The following CSRNP3 variants were observed in gnomAD, a reference collection of about 807,000 sequenced individuals.
CSRNP3 encodes the protein cysteine/serine-rich nuclear protein 3.
CSRNP3 carries 12 observed loss-of-function variants against 48.0 expected under a neutral mutation model. That is an observed-to-expected ratio of 0.25 (90% confidence interval 0.16 to 0.41). CSRNP3 has a LOEUF of 0.41. CSRNP3 is among the 10% of genes least tolerant of loss of function. CSRNP3 has a pLI of 1.00. For missense variants in CSRNP3, 580 were observed against 724.4 expected, an observed-to-expected ratio of 0.80 and a Z score of 2.29; for synonymous variants, 263 against 269.7, an observed-to-expected ratio of 0.98 and a Z score of 0.24.
At chr2:165,636,166 C>T (rs1686625096) in intron 4 of CSRNP3, among the ~76,000 whole-genome samples, 1 of 152,098 alleles carries the variant, frequency 6.6e-6, no homozygotes. Flanking sequence ...CTCAAATGAC[C>T]TTTCTTGCTC....
chr2:165,538,020 G>GT (rs1343433038), intron 3 of CSRNP3, among the ~76,000 whole-genome samples: 2 of 151,808 alleles, frequency 1.3e-5, no homozygotes, highest in African/African-American at 2.4e-5. Flanking sequence ...AAACTAGAGT[G>GT]TTTGTGGATA....
chr2:165,510,357 A>G lies in CSRNP3; in HGVS notation c.-112-7516A>G, dbSNP rs191353785. 3.1e-3 allele frequency among the ~76,000 whole-genome samples: 477 copies of G among 152,236 alleles called. 4 individuals carry two copies. Among genetic ancestry groups the G allele is most frequent in the African/African-American group, 0.01 (433 of 41,536 alleles). ...TTTACTCAGTCATTTATTTAGATCCATATAGACTCATATATATTTATTTTT... is the reference window on the plus strand; with the variant it reads ...TTTACTCAGTCATTTATTTAGATCCGTATAGACTCATATATATTTATTTTT... On this transcript the variant is annotated intron_variant, in intron 2 of 6. Coordinates refer to ENST00000651982, the MANE Select transcript of CSRNP3 (RefSeq NM_001172173.2).
intron 2 of CSRNP3, among the ~76,000 whole-genome samples, chr2:165,504,123 G>C (rs1684394378): frequency 6.6e-6 from 1 of 151,930 alleles, no homozygotes; most frequent in African/African-American, 2.4e-5. Flanking sequence ...ATCTGGCAAT[G>C]TATGTGCATT....
At chr2:165,500,400 TATATGTATAC>T in intron 2 of CSRNP3, among the ~76,000 whole-genome samples, 1 of 144,774 alleles carries the variant, frequency 6.9e-6, no homozygotes, top group African/African-American at 2.6e-5. Context: ...TATGTATACA[TATATGTATAC>T]ATATATATAT....
intron 4 of CSRNP3, among the ~76,000 whole-genome samples, chr2:165,601,616 C>A (rs1018450032): frequency 2.0e-5 from 3 of 152,060 alleles, no homozygotes; most frequent in Non-Finnish European, 4.4e-5. Context: ...ATACTTTACC[C>A]AAGAGCTAAG....
chr2:165,679,147 T>G lies in CSRNP3; in HGVS notation c.1152T>G (p.Asp384Glu). The change falls in exon 7 of 7, where the codon GAT (aspartate) becomes GAG (glutamate). Residue 384 changes from aspartate to glutamate, a missense_variant. Physicochemically the swap from Asp to Glu is conservative, Grantham distance 45 (BLOSUM62 2). Coordinates refer to ENST00000651982, the MANE Select transcript of CSRNP3 (RefSeq NM_001172173.2). ...AAGAAGAGGAAGAGGAGGAGGAGGA[T>G]GACGATGATGACAAAGGAGATGGCT... is the stretch of plus-strand genomic sequence containing the variant. ...EEEEEEEEEE[D>E]DDDDKGDGFV... is the part of the protein sequence containing the mutation. 1 of 1,613,552 alleles carries G rather than the reference T, an allele frequency of 6.2e-7. No individual in the cohort carries two copies. Among genetic ancestry groups the G allele is most frequent in the Non-Finnish European group, 8.5e-7 (1 of 1,179,870 alleles).
At chr2:165,528,352 T>C (rs73027998) in intron 3 of CSRNP3, among the ~76,000 whole-genome samples, 3,048 of 152,312 alleles carry the variant, frequency 0.02, 99 homozygotes, top group African/African-American at 0.07. Flanking sequence ...ATTTTTGCTT[T>C]TGTTGCTTGA....
chr2:165,565,241 A>G (rs1475893720), intron 3 of CSRNP3, among the ~76,000 whole-genome samples: 1 of 152,136 alleles, frequency 6.6e-6, no homozygotes, highest in East Asian at 1.9e-4. Flanking sequence ...AATACCACAT[A>G]CTTGGCTATT....
rs561814519 is a variant in CSRNP3 at position 165,592,075 on chromosome 2, G to A, written c.-23-2968G>A. Among the ~76,000 whole-genome samples the A allele has an allele frequency of 2.6e-5, 4 of 152,344 alleles. No homozygotes were observed. In the South Asian group the frequency reaches 6.2e-4, roughly 24 times the overall value. ...GGAGCTGTACCCTGCAAAGCCACAGGGGCAGAGTTGCCCAAGGCTGTGGGA... is the reference window on the plus strand; with the variant it reads ...GGAGCTGTACCCTGCAAAGCCACAGAGGCAGAGTTGCCCAAGGCTGTGGGA... On this transcript the variant is annotated intron_variant, in intron 3 of 6. Coordinates refer to ENST00000651982, the MANE Select transcript of CSRNP3 (RefSeq NM_001172173.2).
chr2:165,677,293 G>C (rs551155956), intron 6 of CSRNP3, among the ~76,000 whole-genome samples: 1 of 152,264 alleles, frequency 6.6e-6, no homozygotes, highest in African/African-American at 2.4e-5. Flanking sequence ...TCCTACAGCA[G>C]AATTGAGTAT....
intron 3 of CSRNP3, among the ~76,000 whole-genome samples, chr2:165,572,000 G>T (rs1051072804): frequency 6.6e-6 from 1 of 152,038 alleles, no homozygotes; most frequent in Non-Finnish European, 1.5e-5. Flanking sequence ...GTAGCGCAAG[G>T]CTCTTTAATA....
intron 3 of CSRNP3, among the ~76,000 whole-genome samples, chr2:165,584,625 G>C (rs1373444230): frequency 6.6e-6 from 1 of 152,176 alleles, no homozygotes; most frequent in Non-Finnish European, 1.5e-5. Flanking sequence ...AAGGAAGGAA[G>C]AGAATTTGCT....
At chr2:165,557,314 C>T (rs192310469) in intron 3 of CSRNP3, among the ~76,000 whole-genome samples, 5 of 152,286 alleles carry the variant, frequency 3.3e-5, no homozygotes, top group East Asian at 3.9e-4. Flanking sequence ...ATTAAAACAA[C>T]GGAGTTGAGT....
chr2:165,494,882 C>T lies in CSRNP3; in HGVS notation c.-159C>T. The T allele has an allele frequency of 6.0e-6, 1 of 165,342 alleles. No individual in the cohort carries two copies. The allele number at this position is 165,342 out of a possible 1,614,324, so 10.2% of individuals were successfully genotyped here. A position where few individuals can be genotyped will look rare whatever the true frequency, so the allele number is the denominator to read the frequency against. On this transcript the variant is annotated 5_prime_UTR_variant, in exon 2 of 7. Coordinates refer to ENST00000651982, the MANE Select transcript of CSRNP3 (RefSeq NM_001172173.2). ...GATGAAGTTTTCAGCTGTGACAGTA[C>T]TGAGAGTGTTGATAGTGTCAATCGT...
At chr2:165,534,878 T>C (rs557396019) in intron 3 of CSRNP3, among the ~76,000 whole-genome samples, 15 of 151,892 alleles carry the variant, frequency 9.9e-5, no homozygotes, top group African/African-American at 3.6e-4. Context: ...GGGTTTCTTA[T>C]ATTCTAAACC....
chr2:165,678,610 T>G lies in CSRNP3; in HGVS notation c.706-91T>G, dbSNP rs914333103. 2.1e-6 allele frequency: 3 copies of G among 1,427,806 alleles called. No individual in the cohort carries two copies. In the African/African-American group the frequency reaches 4.3e-5, roughly 20 times the overall value. The allele number at this position is 1,427,806 out of a possible 1,614,324, so 88.4% of individuals were successfully genotyped here. A position where few individuals can be genotyped will look rare whatever the true frequency, so the allele number is the denominator to read the frequency against. On this transcript the variant is annotated intron_variant, in intron 6 of 6. Coordinates refer to ENST00000651982, the MANE Select transcript of CSRNP3 (RefSeq NM_001172173.2). Reference sequence around the variant, plus strand: ...GCATATGTGGAATTAAGTGGATGGATTACTTAATTCAAAGAAGTTACTGAA... The same window carrying G: ...GCATATGTGGAATTAAGTGGATGGAGTACTTAATTCAAAGAAGTTACTGAA...
chr2:165,593,052 C>T lies in CSRNP3; in HGVS notation c.-23-1991C>T, dbSNP rs539204172. Among the ~76,000 whole-genome samples, 22 of 152,120 alleles carry T rather than the reference C, an allele frequency of 1.4e-4. No homozygotes were observed. In the South Asian group the frequency reaches 1.7e-3, roughly 12 times the overall value. On this transcript the variant is annotated intron_variant, in intron 3 of 6. Coordinates refer to ENST00000651982, the MANE Select transcript of CSRNP3 (RefSeq NM_001172173.2). Reference sequence around the variant, plus strand: ...TCCTGACCTCGTGATCCGCCCGCCTCGGCCTCCCAAAGTGCTGGGATTACA... The same window carrying T: ...TCCTGACCTCGTGATCCGCCCGCCTTGGCCTCCCAAAGTGCTGGGATTACA...
intron 3 of CSRNP3, among the ~76,000 whole-genome samples, chr2:165,553,086 C>A (rs1010629611): frequency 2.6e-5 from 4 of 152,140 alleles, no homozygotes; most frequent in African/African-American, 9.7e-5. Context: ...TGTTACATTT[C>A]ATTTTTTTCC....
At chr2:165,577,153 A>C (rs1054039782) in intron 3 of CSRNP3, among the ~76,000 whole-genome samples, 5 of 151,940 alleles carry the variant, frequency 3.3e-5, no homozygotes, top group African/African-American at 7.2e-5. Flanking sequence ...ATAGAAAAAA[A>C]AAAACAAAAC....
Sources: gnomAD v4.1 joint callset for allele counts (sites outside exome capture counted in the v4.1 genomes callset) on GRCh38, gnomAD v4.1.1 for gene constraint, MANE v1.5 for transcripts, NCBI Gene and HGNC (gene_info 2026-07-23, HGNC 2026-07-21) for gene names.